The following GLI2 variants were observed in gnomAD, a reference collection of about 807,000 sequenced individuals.
The protein encoded by GLI2 is GLI family zinc finger 2.
Under a neutral mutation model 78.9 loss-of-function variants are expected in GLI2, and 22 were observed. The ratio of observed to expected loss-of-function variants is 0.28; its 90% CI spans 0.20 to 0.40. GLI2 has a LOEUF of 0.40. GLI2 is among the 10% of genes least tolerant of loss of function. GLI2 has a pLI of 1.00. For missense variants in GLI2, 2,097 were observed against 2,213.2 expected (o/e 0.95, Z 1.05); for synonymous variants, 974 against 963.7 (o/e 1.01, Z -0.20).
intron 2 of GLI2, among the ~76,000 whole-genome samples, chr2:120,917,805 A>T (rs927387535): frequency 6.6e-6 from 1 of 152,174 alleles, no homozygotes; most frequent in Non-Finnish European, 1.5e-5. Flanking sequence ...AACGGAATTC[A>T]CAATAGTGTT....
At chr2:120,984,911 T>C (rs921067357) in intron 12 of GLI2, among the ~76,000 whole-genome samples, 168 bp downstream of exon 12, 1 of 152,312 alleles carries the variant, frequency 6.6e-6, no homozygotes, top group Non-Finnish European at 1.5e-5. Context: ...GGGCCTCACA[T>C]GGAACCTATC....
chr2:120,854,324 C>T (rs1400966603), intron 2 of GLI2, among the ~76,000 whole-genome samples: 1 of 152,210 alleles, frequency 6.6e-6, no homozygotes, highest in East Asian at 1.9e-4. Flanking sequence ...TCACCTCCAT[C>T]CTCTGGTCAC....
chr2:120,951,147 T>G (rs556523182), intron 3 of GLI2, 96 bp from the exon 4 acceptor site: 17 of 785,718 alleles, frequency 2.2e-5, no homozygotes. Context: ...GGAAAGTCTT[T>G]CCAGGAGAGA....
At position 120,991,269 on chromosome 2, in the gene GLI2, G is replaced by A. The variant is rs1683284828; in HGVS notation, c.*594G>A. The A allele has an allele frequency of 6.5e-6, 1 of 152,880 alleles. No individual in the cohort carries two copies. The highest frequency in any genetic ancestry group is 6.5e-5 in the Admixed American group (1 of 15,390). The allele number at this position is 152,880 out of a possible 1,614,324, so 9.5% of individuals were successfully genotyped here. ...TTCTGATTCCAGGTTTGGTAGAGCT[G>A]GCTCTTCTACTCCGTAAAGCCGAGT... On this transcript the variant is annotated 3_prime_UTR_variant, in exon 14 of 14. Coordinates refer to ENST00000361492, the MANE Select transcript of GLI2 (RefSeq NM_001374353.1).
Position 120,782,121 on chromosome 2 carries a change from C to T in GLI2, c.-30-15170C>T, listed in dbSNP as rs796309802. Among the ~76,000 whole-genome samples the T allele has an allele frequency of 9.2e-5, 14 of 152,294 alleles. No homozygotes were observed. The East Asian group carries it at 9.6e-4, about 10-fold the overall frequency. On this transcript the variant is annotated intron_variant, in intron 1 of 13. Transcript: ENST00000361492. ...TAGGCACAGTACTGTCCCGTTGTCT[C>T]GCTACGATAGCAATTTATTAAGAAC...
At position 120,899,361 on chromosome 2, in the gene GLI2, G is replaced by A. The variant is rs538434812; in HGVS notation, c.149-28000G>A. ...GCTTCCAGGACTTCCTTTTTTGGAA[G>A]TATGTTCTTTTTCTCTCTCATACAC... On this transcript the variant is annotated intron_variant, in intron 2 of 13. Transcript: ENST00000361492. 2.6e-5 allele frequency among the ~76,000 whole-genome samples: 4 copies of A among 152,142 alleles called. No homozygotes were observed. In the South Asian group the frequency reaches 8.3e-4, roughly 32 times the overall value.
chr2:120,984,750 G>A lies in GLI2; in HGVS notation c.1905+7G>A, dbSNP rs372198430. On this transcript the variant is annotated splice_region_variant and intron_variant, in intron 12 of 13. Coordinates refer to ENST00000361492, the MANE Select transcript of GLI2 (RefSeq NM_001374353.1). ...CAAGACCGAGAGCTCCGGGGTAAGC[G>A]GAGCTGGGCAGCCCAGCCACGCAAG... 2.8e-4 allele frequency: 448 copies of A among 1,611,538 alleles called. 1 individual carries two copies. The East Asian group carries it at 2.9e-3, about 10-fold the overall frequency.
At chr2:120,765,592 G>A (rs572701219) in intron 1 of GLI2, among the ~76,000 whole-genome samples, 140 of 152,348 alleles carry the variant, frequency 9.2e-4, no homozygotes, top group African/African-American at 3.1e-3. Context: ...TCAGGATCTG[G>A]TTCAGGGGTG....
chr2:120,977,383 T>C (rs1168856770), intron 9 of GLI2, among the ~76,000 whole-genome samples: 1 of 152,268 alleles, frequency 6.6e-6, no homozygotes, highest in African/African-American at 2.4e-5. Context: ...AAGAAAGTTA[T>C]TGAGATATTG....
chr2:120,873,208 C>G (rs1688558966), intron 2 of GLI2, among the ~76,000 whole-genome samples: 1 of 152,102 alleles, frequency 6.6e-6, no homozygotes, highest in Admixed American at 6.5e-5. Context: ...GTCTCAGGAC[C>G]CCTTTATACC....
At chr2:120,938,679 T>C (rs1558897891) in intron 3 of GLI2, among the ~76,000 whole-genome samples, 1 of 152,202 alleles carries the variant, frequency 6.6e-6, no homozygotes, top group African/African-American at 2.4e-5. Flanking sequence ...GCAGGTCGCA[T>C]ATATGGGATG....
chr2:120,950,550 C>A (rs1445829961), intron 3 of GLI2, among the ~76,000 whole-genome samples: 2 of 152,170 alleles, frequency 1.3e-5, no homozygotes, highest in African/African-American at 4.8e-5. Context: ...CCAGCGGCAC[C>A]AAGCCCAATG....
chr2:120,829,218 C>T (rs1573444477), intron 2 of GLI2, among the ~76,000 whole-genome samples: 1 of 152,238 alleles, frequency 6.6e-6, no homozygotes, highest in African/African-American at 2.4e-5. Context: ...CGCCTGCACT[C>T]ACACAGTCAC....
At chr2:120,766,163 A>T (rs895009041) in intron 1 of GLI2, among the ~76,000 whole-genome samples, 1 of 152,102 alleles carries the variant, frequency 6.6e-6, no homozygotes, top group Non-Finnish European at 1.5e-5. Flanking sequence ...GTTCTTCAGC[A>T]TGTCTGCAGC....
At chr2:120,931,317 C>T (rs572056994) in intron 3 of GLI2, among the ~76,000 whole-genome samples, 57 of 152,348 alleles carry the variant, frequency 3.7e-4, no homozygotes, top group African/African-American at 1.4e-3. Context: ...GCTCTGTCCT[C>T]ACCTTGCCCT....
Position 120,990,189 on chromosome 2 carries a change from G to A in GLI2, c.4224G>A (p.Gly1408=). The A allele has an allele frequency of 4.3e-6, 7 of 1,613,250 alleles. No individual in the cohort carries two copies. Among genetic ancestry groups the A allele is most frequent in the Middle Eastern group, 1.6e-4 (1 of 6,062 alleles). The change falls in exon 14 of 14, where the codon GGG becomes GGA. Residue 1408 remains glycine (G), a synonymous_variant. Transcript: ENST00000361492. ...CCAAGGGAGCGATGGGCAACATGGGGTCGGTGCCTCCCCAGCCGCCTCCGC... is the reference window on the plus strand; with the variant it reads ...CCAAGGGAGCGATGGGCAACATGGGATCGGTGCCTCCCCAGCCGCCTCCGC... The part of the protein sequence containing the change: ...AVPKGAMGNM[G]SVPPQPPPQD...
chr2:120,899,750 G>T (rs75015308), intron 2 of GLI2, among the ~76,000 whole-genome samples: 6,525 of 152,316 alleles, frequency 0.043, 462 homozygotes, highest in African/African-American at 0.15. Context: ...TGAGGGTTAA[G>T]TGAAGTCATC....
intron 2 of GLI2, among the ~76,000 whole-genome samples, chr2:120,829,122 TCACA>T (rs539190226): frequency 4.3e-4 from 66 of 151,952 alleles, no homozygotes; most frequent in African/African-American, 1.3e-3. Flanking sequence ...GCACTCACTG[TCACA>T]CACACCATCA....
intron 2 of GLI2, among the ~76,000 whole-genome samples, chr2:120,835,368 C>G (rs1307395917): frequency 1.3e-5 from 2 of 150,140 alleles, no homozygotes; most frequent in Non-Finnish European, 3.0e-5. Flanking sequence ...AGGCCCCAGC[C>G]AGTCACAGGC....
Sources: allele counts gnomAD v4.1 joint callset (sites outside exome capture counted in the v4.1 genomes callset), GRCh38; gene constraint gnomAD v4.1.1; transcripts MANE v1.5; gene names NCBI Gene and HGNC (gene_info 2026-07-23, HGNC 2026-07-21).